Variants in CDH8 observed in about 807,000 individuals in gnomAD.
The protein encoded by CDH8 is cadherin 8, also known as cadherin-8.
A neutral mutation model predicts 68.1 loss-of-function variants in CDH8; 17 were observed. That is an observed-to-expected ratio of 0.25 (90% CI 0.17 to 0.37). CDH8 has a LOEUF of 0.37. Ranked by LOEUF, CDH8 falls within the 10% of genes least tolerant of loss-of-function variation. The pLI is 1.00. For synonymous variants in CDH8, 372 were observed against 365.1 expected (o/e 1.02, Z -0.21); for missense variants, 763 against 999.3 (o/e 0.76, Z 3.19).
intron 2 of CDH8, 23 bp downstream of exon 2, chr16:62,021,129 G>A (rs749052215): frequency 2.5e-6 from 4 of 1,606,020 alleles, no homozygotes; most frequent in Non-Finnish European, 2.6e-6. Flanking sequence ...CCCTGAAATT[G>A]AGATCTTAAA....
chr16:61,775,505 C>T (rs188973001), intron 8 of CDH8, among the ~76,000 whole-genome samples: 140 of 152,232 alleles, frequency 9.2e-4, no homozygotes, highest in Admixed American at 1.8e-3. Flanking sequence ...GATGACACTT[C>T]TCTAGCCCTT....
intron 8 of CDH8, among the ~76,000 whole-genome samples, chr16:61,733,681 C>G (rs74594169): frequency 0.11 from 17,120 of 151,742 alleles, 1,088 homozygotes; most frequent in South Asian, 0.16. Flanking sequence ...CCCTTCCCAC[C>G]CTTCCTGTCA....
chr16:61,829,499 A>T (rs1962411250), intron 4 of CDH8, among the ~76,000 whole-genome samples: 1 of 151,804 alleles, frequency 6.6e-6, no homozygotes. Flanking sequence ...TATAGTTCAA[A>T]AGTACTTCAG....
At chr16:61,964,278 C>T (rs1965209091) in intron 2 of CDH8, among the ~76,000 whole-genome samples, 1 of 152,042 alleles carries the variant, frequency 6.6e-6, no homozygotes, top group Non-Finnish European at 1.5e-5. Context: ...CCAATTATTC[C>T]AGTTCAGGGT....
At chr16:61,891,828 AT>A (rs1162388297) in intron 3 of CDH8, among the ~76,000 whole-genome samples, 2 of 152,200 alleles carry the variant, frequency 1.3e-5, no homozygotes, top group Admixed American at 6.5e-5. Flanking sequence ...ACAAGAAAAA[AT>A]ATAATCAAAT....
chr16:61,890,503 G>A (rs1963756445), intron 3 of CDH8, among the ~76,000 whole-genome samples: 1 of 152,098 alleles, frequency 6.6e-6, no homozygotes, highest in African/African-American at 2.4e-5. Context: ...AGATGCCTAT[G>A]ACTAAGAGAT....
At chr16:61,684,171 A>G (rs908812195) in intron 10 of CDH8, among the ~76,000 whole-genome samples, 5 of 152,004 alleles carry the variant, frequency 3.3e-5, no homozygotes, top group Admixed American at 2.0e-4. Flanking sequence ...GTTCTGTGAG[A>G]CTAGCAATAA....
intron 11 of CDH8, 83 bp from the exon 12 acceptor site, chr16:61,654,184 G>A (rs1567404255): frequency 7.8e-7 from 1 of 1,283,550 alleles, no homozygotes; most frequent in South Asian, 1.5e-5. Context: ...AGGAGAGAGG[G>A]GTATTTTTAC....
intron 2 of CDH8, among the ~76,000 whole-genome samples, chr16:61,966,976 G>A (rs1339020021): frequency 2.0e-5 from 3 of 152,120 alleles, no homozygotes; most frequent in Admixed American, 6.5e-5. Flanking sequence ...AGGCCAACAC[G>A]GGAGGACACC....
intron 2 of CDH8, among the ~76,000 whole-genome samples, chr16:62,000,882 C>T (rs1290898798): frequency 6.6e-6 from 1 of 152,128 alleles, no homozygotes; most frequent in African/African-American, 2.4e-5. Flanking sequence ...CTATAGTTAA[C>T]AATACTTTAT....
intron 3 of CDH8, among the ~76,000 whole-genome samples, chr16:61,880,813 T>A (rs368851301): frequency 1.3e-5 from 2 of 152,218 alleles, no homozygotes; most frequent in African/African-American, 4.8e-5. Context: ...AGGCCAGGTT[T>A]AATGTAATTG....
intron 8 of CDH8, among the ~76,000 whole-genome samples, chr16:61,749,430 A>G (rs1164646686): frequency 2.6e-5 from 4 of 152,116 alleles, no homozygotes; most frequent in African/African-American, 9.7e-5. Context: ...GCAGTAGAAA[A>G]TTGGACTTTT....
chr16:61,705,173 C>T (rs553987417), intron 10 of CDH8, among the ~76,000 whole-genome samples: 8 of 152,206 alleles, frequency 5.3e-5, no homozygotes, highest in African/African-American at 1.4e-4. Flanking sequence ...GGTACATTAG[C>T]GAACAGATAG....
In CDH8 at chr16:62,011,693, A is replaced by G. The variant is rs1388910382; in HGVS notation, c.252+9459T>C. Among the ~76,000 whole-genome samples, 4 of 152,198 alleles carry G rather than the reference A, an allele frequency of 2.6e-5. No homozygotes were observed. The South Asian group carries it at 6.2e-4, about 24-fold the overall frequency. On this transcript the variant is annotated intron_variant, in intron 2 of 11. Coordinates refer to ENST00000577390, the MANE Select transcript of CDH8 (RefSeq NM_001796.5). ...TAGTGTTAAAACAGATTCTGATTCA[A>G]TAAGTCCAGGTGTACAGATGTTGAA...
intron 2 of CDH8, among the ~76,000 whole-genome samples, chr16:61,943,821 G>A (rs1964760113): frequency 6.6e-6 from 1 of 152,126 alleles, no homozygotes; most frequent in Non-Finnish European, 1.5e-5. Context: ...GAGCTCAGAG[G>A]CTGAATAACA....
chr16:61,655,641 T>A lies in CDH8; in HGVS notation c.1735A>T (p.Ser579Cys), dbSNP rs749548045. 1 of 1,614,114 alleles carries A rather than the reference T, an allele frequency of 6.2e-7. No homozygotes were observed. The highest frequency in any genetic ancestry group is 1.3e-5 in the African/African-American group (1 of 75,054). The change falls in exon 11 of 12, where the codon AGT (serine) becomes TGT (cysteine). Residue 579 changes from serine to cysteine, a missense_variant. Transcript: ENST00000577390. Reference sequence around the variant, plus strand: ...CTCAGTGGAGGATTTCCACTATCACTGATTATGATTGGTAAAAGATAGACT... The same window carrying A: ...CTCAGTGGAGGATTTCCACTATCACAGATTATGATTGGTAAAAGATAGACT... ...QEVYLLPIII[S>C]DSGNPPLSST...
intron 9 of CDH8, among the ~76,000 whole-genome samples, chr16:61,721,154 C>T (rs1483160246): frequency 6.6e-6 from 1 of 150,804 alleles, no homozygotes; most frequent in Non-Finnish European, 1.5e-5. Flanking sequence ...CAAACTTGTG[C>T]TCCAAAAGTC....
Position 61,716,235 on chromosome 16 carries a change from G to A in CDH8, c.1537-2277C>T, listed in dbSNP as rs368798004. 1.6e-4 allele frequency among the ~76,000 whole-genome samples: 25 copies of A among 151,638 alleles called. No homozygotes were observed. In the South Asian group the frequency reaches 4.1e-3, roughly 25 times the overall value. On this transcript the variant is annotated intron_variant, in intron 9 of 11. Transcript: ENST00000577390. ...TTCATACTATTTTCAAGTAATCTGC[G>A]TGAAAATGGCTCATACCTGCTGTTG...
intron 10 of CDH8, among the ~76,000 whole-genome samples, chr16:61,695,781 A>T (rs1437535656): frequency 6.6e-6 from 1 of 152,194 alleles, no homozygotes; most frequent in Non-Finnish European, 1.5e-5. Context: ...CTTAGAATGC[A>T]AAACCAGAAT....
Sources: allele counts gnomAD v4.1 joint callset (sites outside exome capture counted in the v4.1 genomes callset), GRCh38; gene constraint gnomAD v4.1.1; transcripts MANE v1.5; gene names NCBI Gene and HGNC (gene_info 2026-07-23, HGNC 2026-07-21).